The following ZNF423 variants were observed in gnomAD, a reference collection of about 807,000 sequenced individuals.
ZNF423 encodes zinc finger protein 423.
In ZNF423, 12 loss-of-function variants were observed where a neutral mutation model predicts 95.8. That is an observed-to-expected ratio of 0.13 (90% confidence interval 0.08 to 0.20). ZNF423 has a LOEUF of 0.20. Among genes scored for constraint, ZNF423 ranks in the 10% least tolerant of loss-of-function variants. The pLI, the probability that ZNF423 is intolerant of heterozygous loss-of-function variation, is 1.00. For missense variants in ZNF423, 1,316 were observed against 1,737.1 expected, an observed-to-expected ratio of 0.76 and a Z score of 4.31; for synonymous variants, 749 against 711.9, an observed-to-expected ratio of 1.05 and a Z score of -0.83.
chr16:49,661,360 A>G (rs1356742708), intron 3 of ZNF423, among the ~76,000 whole-genome samples: 1 of 152,242 alleles, frequency 6.6e-6, no homozygotes, highest in Non-Finnish European at 1.5e-5. Flanking sequence ...ATGCATGTAT[A>G]TGCTTGCAGG....
chr16:49,686,170 C>G (rs1405755790), intron 3 of ZNF423, among the ~76,000 whole-genome samples: 2 of 152,206 alleles, frequency 1.3e-5, no homozygotes, highest in Admixed American at 1.3e-4. Context: ...AGAGTCCAGG[C>G]CTGTCCAGCT....
At chr16:49,700,642 C>T (rs2032148406) in intron 3 of ZNF423, among the ~76,000 whole-genome samples, 1 of 152,226 alleles carries the variant, frequency 6.6e-6, no homozygotes, top group Non-Finnish European at 1.5e-5. Flanking sequence ...AGCGCCCTGG[C>T]ACCAAATCAC....
At chr16:49,850,666 C>G (rs1308474263) in intron 1 of ZNF423, among the ~76,000 whole-genome samples, 5 of 152,210 alleles carry the variant, frequency 3.3e-5, no homozygotes, top group Non-Finnish European at 2.9e-5. Flanking sequence ...ACGCACCCAC[C>G]ACCTTGGCAA....
intron 5 of ZNF423, among the ~76,000 whole-genome samples, chr16:49,534,423 T>C (rs1968983751): frequency 6.6e-6 from 1 of 152,096 alleles, no homozygotes; most frequent in African/African-American, 2.4e-5. Context: ...ACAGCTAATT[T>C]TGTATTTTTA....
At chr16:49,587,853 A>T (rs933796800) in intron 5 of ZNF423, among the ~76,000 whole-genome samples, 12 of 152,064 alleles carry the variant, frequency 7.9e-5, no homozygotes, top group African/African-American at 2.9e-4. Flanking sequence ...GTGAACTCTT[A>T]TTCATCACTT....
intron 1 of ZNF423, chr16:49,854,687 G>C (rs1186839183): frequency 1.0e-6 from 1 of 985,354 alleles, no homozygotes; most frequent in Non-Finnish European, 1.2e-6. Flanking sequence ...GCCTGGAAAG[G>C]CCAGCCGCGG....
At chr16:49,820,096 GAATGGATGGACA>G (rs905138431) in intron 1 of ZNF423, among the ~76,000 whole-genome samples, 10 of 152,220 alleles carry the variant, frequency 6.6e-5, no homozygotes, top group Admixed American at 6.5e-4. Context: ...GTGGATGGAT[GAATGGATGGACA>G]GATGGATGGA....
chr16:49,518,739 C>T (rs1825360640), intron 7 of ZNF423: 3 of 329,434 alleles, frequency 9.1e-6, no homozygotes, highest in Non-Finnish European at 1.7e-5. Context: ...TTGAGTATGG[C>T]TTTTGTCATG....
At chr16:49,655,170 G>A (rs1327585994) in intron 3 of ZNF423, among the ~76,000 whole-genome samples, 2 of 152,182 alleles carry the variant, frequency 1.3e-5, no homozygotes, top group African/African-American at 2.4e-5. Context: ...AGCCATGGCT[G>A]AAGCTTGGGT....
intron 3 of ZNF423, among the ~76,000 whole-genome samples, chr16:49,700,122 C>T (rs1596878349): frequency 7.9e-6 from 1 of 127,046 alleles, no homozygotes; most frequent in South Asian, 2.5e-4. Context: ...AAAGAGATGG[C>T]AAGAATGGGA....
intron 2 of ZNF423, among the ~76,000 whole-genome samples, chr16:49,784,140 T>C (rs1470151127): frequency 6.6e-6 from 1 of 151,974 alleles, no homozygotes; most frequent in Non-Finnish European, 1.5e-5. Context: ...CCTGGGAAGG[T>C]CTGGTGGCTC....
intron 1 of ZNF423, among the ~76,000 whole-genome samples, chr16:49,807,406 G>C (rs1448125888): frequency 6.6e-6 from 1 of 152,034 alleles, no homozygotes; most frequent in Non-Finnish European, 1.5e-5. Flanking sequence ...CTCCAGCCTA[G>C]GCGACAGAGC....
intron 5 of ZNF423, among the ~76,000 whole-genome samples, chr16:49,536,030 T>C (rs1969044119): frequency 6.6e-6 from 1 of 152,174 alleles, no homozygotes; most frequent in Non-Finnish European, 1.5e-5. Context: ...GCCGACATCA[T>C]TTTTTGTCCC....
chr16:49,772,119 A>G (rs1212889065), intron 2 of ZNF423, among the ~76,000 whole-genome samples: 1 of 152,210 alleles, frequency 6.6e-6, no homozygotes, highest in Non-Finnish European at 1.5e-5. Context: ...GCTGCAGTTC[A>G]TGTCCAAATC....
intron 5 of ZNF423, among the ~76,000 whole-genome samples, chr16:49,564,098 G>C (rs1970103998): frequency 6.6e-6 from 1 of 152,220 alleles, no homozygotes; most frequent in South Asian, 2.1e-4. Context: ...CTGCACAGTA[G>C]CCTGCCCAAT....
chr16:49,746,867 G>A (rs1156943849), intron 2 of ZNF423, among the ~76,000 whole-genome samples: 3 of 152,284 alleles, frequency 2.0e-5, no homozygotes, highest in East Asian at 1.9e-4. Flanking sequence ...AGCACCTCAC[G>A]GTGCCCAGCA....
intron 3 of ZNF423, among the ~76,000 whole-genome samples, chr16:49,665,273 A>T (rs966744218): frequency 6.6e-5 from 10 of 152,252 alleles, no homozygotes; most frequent in African/African-American, 2.2e-4. Context: ...AGTTATTCAC[A>T]GGATGTCTCT....
intron 1 of ZNF423, among the ~76,000 whole-genome samples, chr16:49,837,234 T>C (rs1441890003): frequency 6.6e-6 from 1 of 152,150 alleles, no homozygotes; most frequent in East Asian, 1.9e-4. Flanking sequence ...TATGGAGACC[T>C]TGGAAAGGAG....
chr16:49,723,216 A>G (rs1023394643), intron 3 of ZNF423, among the ~76,000 whole-genome samples: 3 of 152,198 alleles, frequency 2.0e-5, no homozygotes, highest in South Asian at 2.1e-4. Context: ...CGGCCTCCCA[A>G]TAAATATTTT....
Sources: allele counts gnomAD v4.1 joint callset (sites outside exome capture counted in the v4.1 genomes callset), GRCh38; gene constraint gnomAD v4.1.1; transcripts MANE v1.5; gene names NCBI Gene and HGNC (gene_info 2026-07-23, HGNC 2026-07-21).